Variants in TBC1D5 observed in about 807,000 individuals in gnomAD.
TBC1D5 encodes the protein TBC1 domain family member 5.
A neutral mutation model predicts 100.3 loss-of-function variants in TBC1D5; 75 were observed. That is an observed-to-expected ratio of 0.75 (90% CI 0.62 to 0.91). The LOEUF (loss-of-function observed/expected upper bound fraction) is 0.91. TBC1D5 is among the 40% of genes least tolerant of loss of function. TBC1D5 has a pLI of 0.00. For missense variants in TBC1D5, 910 were observed against 942.4 expected, an observed-to-expected ratio of 0.97 and a Z score of 0.45; for synonymous variants, 323 against 325.6, an observed-to-expected ratio of 0.99 and a Z score of 0.09.
At chr3:17,299,823 C>T (rs553910427) in intron 14 of TBC1D5, among the ~76,000 whole-genome samples, 215 of 129,474 alleles carry the variant, frequency 1.7e-3, no homozygotes, top group African/African-American at 6.3e-3. Flanking sequence ...TGTGCCACTG[C>T]ACTCCAGCCT....
intron 2 of TBC1D5, among the ~76,000 whole-genome samples, chr3:17,565,239 C>T (rs1348923807): frequency 6.6e-6 from 1 of 152,134 alleles, no homozygotes; most frequent in Non-Finnish European, 1.5e-5. Flanking sequence ...CTCCAAAGCA[C>T]ATTAGCTGTT....
At chr3:17,338,906 T>C (rs2088394281) in intron 13 of TBC1D5, among the ~76,000 whole-genome samples, 2 of 152,360 alleles carry the variant, frequency 1.3e-5, no homozygotes, top group South Asian at 2.1e-4. Context: ...AGATCCAAGA[T>C]GGGCAGATTT....
chr3:17,735,324 T>A (rs1276331488), intron 1 of TBC1D5, among the ~76,000 whole-genome samples: 1 of 152,160 alleles, frequency 6.6e-6, no homozygotes, highest in Non-Finnish European at 1.5e-5. Context: ...CCACTAAAAG[T>A]TACGTAGAAA....
At chr3:17,312,555 C>T (rs1190504143) in intron 13 of TBC1D5, among the ~76,000 whole-genome samples, 1 of 152,052 alleles carries the variant, frequency 6.6e-6, no homozygotes, top group Non-Finnish European at 1.5e-5. Context: ...TTGAATTTGC[C>T]TTTTTGGGAA....
rs1385641686 is a variant in TBC1D5, at chr3:17,344,899, C to A, written c.995+27176G>T. ...CTGAAACTGGATCCCTTCCTTACAC[C>A]TTATACAAAAATTAATTCAAGATGG... On this transcript the variant is annotated intron_variant, in intron 13 of 21. Coordinates refer to ENST00000253692, the Ensembl canonical transcript of TBC1D5. Among the ~76,000 whole-genome samples, 4 of 152,152 alleles carry A rather than the reference C, an allele frequency of 2.6e-5. No homozygotes were observed. In the East Asian group the frequency reaches 7.7e-4, roughly 29 times the overall value.
chr3:17,598,950 A>T (rs1042010537), intron 2 of TBC1D5, among the ~76,000 whole-genome samples: 1 of 152,254 alleles, frequency 6.6e-6, no homozygotes, highest in Admixed American at 6.5e-5. Flanking sequence ...TTAGTGAGAA[A>T]CATAGCTTTA....
chr3:17,189,046 A>T (rs2069526273), intron 18 of TBC1D5, among the ~76,000 whole-genome samples: 1 of 152,186 alleles, frequency 6.6e-6, no homozygotes, highest in Non-Finnish European at 1.5e-5. Flanking sequence ...TTTCTCAGTT[A>T]TTAGCTGTAT....
chr3:17,345,828 C>T (rs562393774), intron 13 of TBC1D5, among the ~76,000 whole-genome samples: 1 of 152,148 alleles, frequency 6.6e-6, no homozygotes, highest in African/African-American at 2.4e-5. Flanking sequence ...GGACAAAATA[C>T]CAAACACCCC....
At chr3:17,538,484 T>C (rs1274659533) in intron 2 of TBC1D5, among the ~76,000 whole-genome samples, 1 of 152,198 alleles carries the variant, frequency 6.6e-6, no homozygotes, top group Non-Finnish European at 1.5e-5. Context: ...CACTTGGATC[T>C]TGCAAGTCAC....
rs200832725 is a variant in TBC1D5 at position 17,161,214 on chromosome 3, C to T, written c.2137G>A (p.Asp713Asn). The change falls in exon 22 of 22, where the codon GAT becomes AAT. Residue 713 changes from aspartate (D) to asparagine (N), a missense_variant. Physicochemically the swap from Asp to Asn is conservative, Grantham distance 23 (BLOSUM62 1). Transcript: ENST00000253692. ...TCTTTGGAAATCAGGATGAAGTCATCGGAATTCCCTCTATCAGTGCACCCT... is the reference window on the plus strand; with the variant it reads ...TCTTTGGAAATCAGGATGAAGTCATTGGAATTCCCTCTATCAGTGCACCCT... 34 of 1,614,072 alleles carry T rather than the reference C, an allele frequency of 2.1e-5. No individual in the cohort carries two copies. The highest frequency in any genetic ancestry group is 9.3e-5 in the African/African-American group (7 of 75,050).
At chr3:17,453,375 G>A (rs1430437498) in intron 3 of TBC1D5, among the ~76,000 whole-genome samples, 2 of 151,730 alleles carry the variant, frequency 1.3e-5, no homozygotes, top group Non-Finnish European at 2.9e-5. Context: ...ATAAAAAGTT[G>A]GTTTTTTGAA....
At chr3:17,305,061 C>T (rs998871849) in intron 14 of TBC1D5, among the ~76,000 whole-genome samples, 1 of 152,154 alleles carries the variant, frequency 6.6e-6, no homozygotes, top group Non-Finnish European at 1.5e-5. Context: ...ACTCTTCAAC[C>T]CACCATAATC....
chr3:17,376,884 G>A (rs1487520357), intron 9 of TBC1D5, among the ~76,000 whole-genome samples: 1 of 152,110 alleles, frequency 6.6e-6, no homozygotes, highest in Non-Finnish European at 1.5e-5. Context: ...TGGCATGGTA[G>A]ATAACCTTGC....
intron 1 of TBC1D5, among the ~76,000 whole-genome samples, chr3:17,681,828 G>C (rs2069517890): frequency 6.6e-6 from 1 of 151,542 alleles, no homozygotes. Flanking sequence ...AGCCAGCAAA[G>C]CTTCCTCTGT....
chr3:17,322,297 T>C (rs2085518015), intron 13 of TBC1D5, among the ~76,000 whole-genome samples: 1 of 152,244 alleles, frequency 6.6e-6, no homozygotes. Context: ...TTTCTGTTTC[T>C]GTTTCCTTTG....
chr3:17,220,647 A>G (rs2167119), intron 17 of TBC1D5, among the ~76,000 whole-genome samples: 71,202 of 151,846 alleles, frequency 0.47, 18,014 homozygotes, highest in African/African-American at 0.62. Flanking sequence ...TAGGTTTTTC[A>G]TTTGTTCTTT....
chr3:17,544,578 G>A (rs1273783272), intron 2 of TBC1D5, among the ~76,000 whole-genome samples: 1 of 150,580 alleles, frequency 6.6e-6, no homozygotes, highest in Admixed American at 6.6e-5. Context: ...TTGAACCCGC[G>A]AGGCGGAGGT....
chr3:17,454,304 C>A (rs1038379946), intron 3 of TBC1D5, among the ~76,000 whole-genome samples: 1 of 151,928 alleles, frequency 6.6e-6, no homozygotes. Context: ...TAAATGGTAT[C>A]CGAATTGGAA....
intron 1 of TBC1D5, among the ~76,000 whole-genome samples, chr3:17,649,372 T>C (rs1255897172): frequency 1.3e-5 from 2 of 152,140 alleles, no homozygotes; most frequent in East Asian, 1.9e-4. Flanking sequence ...TATTGGGTAC[T>C]GGGCTTAATA....
Sources: allele counts gnomAD v4.1 joint callset (sites outside exome capture counted in the v4.1 genomes callset), GRCh38; gene constraint gnomAD v4.1.1; transcripts MANE v1.5; gene names NCBI Gene and HGNC (gene_info 2026-07-23, HGNC 2026-07-21).